SNX27: variants seen among roughly 807,000 people sequenced by gnomAD.
SNX27 encodes sorting nexin-27.
A neutral mutation model predicts 71.6 loss-of-function variants in SNX27; 22 were observed. That is an observed-to-expected ratio of 0.31 (90% confidence interval 0.22 to 0.44). The LOEUF (loss-of-function observed/expected upper bound fraction) is 0.44, where lower values mean the gene tolerates loss of function less well. Among genes scored for constraint, SNX27 ranks in the 20% least tolerant of loss-of-function variants. The pLI is 1.00. For synonymous variants in SNX27, 269 were observed against 277.2 expected (o/e 0.97, Z 0.29); for missense variants, 531 against 698.6 (o/e 0.76, Z 2.70).
rs1671489138 is a variant in SNX27 at position 151,692,340 on chromosome 1, C to A, written c.1240-95C>A. ...AGAATACTCTTTGTTCTTTTTCTTG[C>A]ACCACATCTCAATAGCTCTTTATTG... On this transcript the variant is annotated intron_variant, in intron 8 of 11. Transcript: ENST00000458013. 2.9e-6 allele frequency: 4 copies of A among 1,379,880 alleles called. No homozygotes were observed. The East Asian group carries it at 1.0e-4, about 36-fold the overall frequency. The allele number at this position is 1,379,880 out of a possible 1,614,324, so 85.5% of individuals were successfully genotyped here.
intron 7 of SNX27, among the ~76,000 whole-genome samples, chr1:151,680,651 A>G (rs906995647): frequency 6.6e-6 from 1 of 152,214 alleles, no homozygotes; most frequent in East Asian, 1.9e-4. Flanking sequence ...GAAAGACAGT[A>G]TTCTTATATT....
chr1:151,644,720 A>G (rs773747599), intron 2 of SNX27, among the ~76,000 whole-genome samples: 12 of 152,200 alleles, frequency 7.9e-5, no homozygotes, highest in Non-Finnish European at 1.6e-4. Flanking sequence ...TGGCTGTACC[A>G]TAGTTTTTAC....
Position 151,692,598 on chromosome 1 carries a change from A to G in SNX27, c.1389+14A>G. ...GGACAGCTGGAGGTGAGTTTTCAGC[A>G]TAGGGCTCTGGCTGCGAGGACTGGA... On this transcript the variant is annotated intron_variant, in intron 9 of 11. Transcript: ENST00000458013. 6.2e-7 allele frequency: 1 copy of G among 1,608,416 alleles called. No individual in the cohort carries two copies. The highest frequency in any genetic ancestry group is 1.8e-4 in the Middle Eastern group (1 of 5,678).
intron 8 of SNX27, among the ~76,000 whole-genome samples, chr1:151,684,625 G>A (rs1000466942): frequency 6.6e-6 from 1 of 152,040 alleles, no homozygotes; most frequent in East Asian, 1.9e-4. Flanking sequence ...CTCAACTTAC[G>A]ATGGGGTTAC....
In SNX27 at chr1:151,612,855, CT is replaced by C. The variant is rs1178717093; in HGVS notation, c.311+344del. ...CTGCTCCTCACTCCCCCTCGTCTTG[CT>C]CAGAAGGAACCTCATCTGCTCCTTA... On this transcript the variant is annotated intron_variant, in intron 1 of 11. Transcript: ENST00000458013. The surrounding 1 kb of genome is among the most constrained non-coding windows in gnomAD (Gnocchi z 5.2). Among the ~76,000 whole-genome samples, 11 of 152,130 alleles carry C rather than the reference CT, an allele frequency of 7.2e-5. No individual in the cohort carries two copies. Among genetic ancestry groups the C allele is most frequent in the Admixed American group, 2.6e-4 (4 of 15,278 alleles).
intron 7 of SNX27, among the ~76,000 whole-genome samples, chr1:151,671,528 A>G (rs564948168): frequency 6.6e-5 from 10 of 151,396 alleles, no homozygotes; most frequent in Non-Finnish European, 1.5e-4. Flanking sequence ...GTGCCACCAC[A>G]CCCCACCCAG....
chr1:151,666,986 G>A (rs1670215677), intron 6 of SNX27: 1 of 152,038 alleles, frequency 6.6e-6, no homozygotes, highest in South Asian at 2.1e-4. Flanking sequence ...TAAACATTGA[G>A]AGAGGAAGTA....
Position 151,691,156 on chromosome 1 carries a change from G to A in SNX27, c.1240-1279G>A, listed in dbSNP as rs142504286. 1.6e-3 allele frequency among the ~76,000 whole-genome samples: 239 copies of A among 152,216 alleles called. 4 individuals carry two copies. Among genetic ancestry groups the A allele is most frequent in the African/African-American group, 5.5e-3 (227 of 41,532 alleles). ...GAAAGTGAAATAGAAGGTGGTATGT[G>A]CCTATAGTCCCAGCTACTCAGGAGG... On this transcript the variant is annotated intron_variant, in intron 8 of 11. Transcript: ENST00000458013.
At chr1:151,675,595 G>A (rs1670651660) in intron 7 of SNX27, among the ~76,000 whole-genome samples, 1 of 151,424 alleles carries the variant, frequency 6.6e-6, no homozygotes. Context: ...CTATGTTGCT[G>A]GGGCTGGCCT....
chr1:151,665,089 G>A (rs892225860), intron 5 of SNX27, among the ~76,000 whole-genome samples: 1 of 152,066 alleles, frequency 6.6e-6, no homozygotes, highest in Non-Finnish European at 1.5e-5. Context: ...ATAATCAACA[G>A]TTTTATCTTT....
At chr1:151,670,413 G>A (rs1670411101) in intron 7 of SNX27, among the ~76,000 whole-genome samples, 1 of 152,184 alleles carries the variant, frequency 6.6e-6, no homozygotes, top group African/African-American at 2.4e-5. Context: ...TATATACCCA[G>A]CAGTGGGATT....
intron 2 of SNX27, among the ~76,000 whole-genome samples, chr1:151,651,378 G>C (rs1669355752): frequency 6.7e-6 from 1 of 150,206 alleles, no homozygotes; most frequent in African/African-American, 2.5e-5. Context: ...CTGGCGGGGG[G>C]CTGACCCCCC....
At chr1:151,657,811 G>A (rs1470470681) in intron 2 of SNX27, among the ~76,000 whole-genome samples, 1 of 152,046 alleles carries the variant, frequency 6.6e-6, no homozygotes, top group Non-Finnish European at 1.5e-5. Flanking sequence ...GACCAGCCTG[G>A]CCAACATGGT....
chr1:151,617,118 A>G (rs905571659), intron 1 of SNX27, among the ~76,000 whole-genome samples: 1 of 152,140 alleles, frequency 6.6e-6, no homozygotes, highest in Non-Finnish European at 1.5e-5. Context: ...TAACTGTTCT[A>G]TCTGATCGTC....
chr1:151,657,042 C>T (rs1230361987), intron 2 of SNX27, among the ~76,000 whole-genome samples: 1 of 152,044 alleles, frequency 6.6e-6, no homozygotes, highest in Non-Finnish European at 1.5e-5. Context: ...GAAACAGGGA[C>T]ATAAGGATGT....
chr1:151,681,111 ATC>A lies in SNX27; in HGVS notation c.1150-2243_1150-2242del, dbSNP rs1428434571. ...ATATATACTTTACAAAACTCTTAAC[ATC>A]TGTCATCTTTTTCTTGTACATCTAT... On this transcript the variant is annotated intron_variant, in intron 7 of 11. Coordinates refer to ENST00000458013, the MANE Select transcript of SNX27 (RefSeq NM_001330723.2). 1.3e-5 allele frequency among the ~76,000 whole-genome samples: 2 copies of A among 151,858 alleles called. 1 individual carries two copies. Among genetic ancestry groups the A allele is most frequent in the African/African-American group, 4.8e-5 (2 of 41,318 alleles).
chr1:151,692,269 A>G (rs1407203415), intron 8 of SNX27, among the ~76,000 whole-genome samples, 166 bp from the exon 9 acceptor site: 2 of 152,104 alleles, frequency 1.3e-5, no homozygotes, highest in Non-Finnish European at 2.9e-5. Context: ...TTCCCAACTT[A>G]GAGATGGGTG....
At chr1:151,624,866 C>T (rs951059674) in intron 1 of SNX27, among the ~76,000 whole-genome samples, 6 of 151,962 alleles carry the variant, frequency 3.9e-5, no homozygotes, top group Admixed American at 3.3e-4. Flanking sequence ...ATACTGATTG[C>T]CTTGGAGTTA....
chr1:151,660,976 T>C (rs949056408), intron 4 of SNX27, 114 bp downstream of exon 4: 20 of 768,066 alleles, frequency 2.6e-5, no homozygotes, highest in Non-Finnish European at 4.3e-5. Flanking sequence ...AGGACTCCAT[T>C]TTTTCTACTT....
Sources: gnomAD v4.1 joint callset for allele counts (sites outside exome capture counted in the v4.1 genomes callset) on GRCh38, gnomAD v4.1.1 for gene constraint, Gnocchi (gnomAD v3.1) non-coding constraint, MANE v1.5 for transcripts, NCBI Gene and HGNC (gene_info 2026-07-23, HGNC 2026-07-21) for gene names.